Variants in ZNF804B observed in about 807,000 individuals in gnomAD.
ZNF804B encodes zinc finger 804B.
Under a neutral mutation model 101.4 loss-of-function variants are expected in ZNF804B, and 80 were observed. The ratio of observed to expected loss-of-function variants is 0.79; its 90% CI spans 0.66 to 0.95. The LOEUF is 0.95. ZNF804B is among the 40% of genes least tolerant of loss of function. The probability of loss-of-function intolerance (pLI) is 0.00; values close to 1 mark genes in which losing one functional copy is unlikely to be tolerated. For synonymous variants in ZNF804B, 622 were observed against 558.8 expected (o/e 1.11, Z -1.59); for missense variants, 1,673 against 1,561.9 (o/e 1.07, Z -1.20).
Position 88,759,967 on chromosome 7 carries a change from C to T in ZNF804B, c.-10C>T, listed in dbSNP as rs779225436. On this transcript the variant is annotated 5_prime_UTR_variant, in exon 1 of 4. Coordinates refer to ENST00000333190, the MANE Select transcript of ZNF804B (RefSeq NM_181646.5). ...AGGAGTTGAGACTCTGCGCCTCCGC[C>T]CGGACCCACATGGCTTGTTACCTGG... 2 of 1,613,668 alleles carry T rather than the reference C, an allele frequency of 1.2e-6. No individual in the cohort carries two copies. Among genetic ancestry groups the T allele is most frequent in the Non-Finnish European group, 1.7e-6 (2 of 1,179,590 alleles).
At chr7:89,144,684 T>C (rs1790765873) in intron 1 of ZNF804B, among the ~76,000 whole-genome samples, 1 of 152,028 alleles carries the variant, frequency 6.6e-6, no homozygotes, top group African/African-American at 2.4e-5. Context: ...ATTGCTAACA[T>C]AATAGATTTT....
rs149335992 is a variant in ZNF804B, at chr7:89,164,041, A to G, written c.109-54114A>G. On this transcript the variant is annotated intron_variant, in intron 1 of 3. Coordinates refer to ENST00000333190, the MANE Select transcript of ZNF804B (RefSeq NM_181646.5). ...TTTTTTTTTCTACACCTAAATTACT[A>G]TCTCTCAAATAATGCTTCTTCAAGC... Among the ~76,000 whole-genome samples the G allele has an allele frequency of 7.0e-4, 106 of 152,106 alleles. 1 individual carries two copies. The highest frequency in any genetic ancestry group is 2.3e-3 in the African/African-American group (96 of 41,534).
chr7:89,156,019 C>CCTTTCTTTCTTTCTTTCTTTCTTT (rs58720640), intron 1 of ZNF804B, among the ~76,000 whole-genome samples: 3 of 121,836 alleles, frequency 2.5e-5, no homozygotes, highest in Admixed American at 8.9e-5. Flanking sequence ...TTCTCTCTTT[C>CCTTTCTTTCTTTCTTTCTTTCTTT]CTTTCTTTCT....
At chr7:89,271,642 T>C (rs549738256) in intron 2 of ZNF804B, among the ~76,000 whole-genome samples, 71 of 152,300 alleles carry the variant, frequency 4.7e-4, no homozygotes, top group South Asian at 3.9e-3. Flanking sequence ...TCAGAAGGAA[T>C]GGTACCAGCT....
At chr7:88,947,665 A>G (rs1480658580) in intron 1 of ZNF804B, among the ~76,000 whole-genome samples, 1 of 151,944 alleles carries the variant, frequency 6.6e-6, no homozygotes, top group Non-Finnish European at 1.5e-5. Context: ...AACTTAAAGT[A>G]TATATAAAAA....
At chr7:88,990,753 C>G (rs1485290369) in intron 1 of ZNF804B, among the ~76,000 whole-genome samples, 2 of 152,124 alleles carry the variant, frequency 1.3e-5, no homozygotes, top group African/African-American at 4.8e-5. Flanking sequence ...AACACTTTTA[C>G]TGTATGAGTT....
chr7:89,017,127 G>A (rs1361461743), intron 1 of ZNF804B, among the ~76,000 whole-genome samples: 1 of 152,038 alleles, frequency 6.6e-6, no homozygotes, highest in Non-Finnish European at 1.5e-5. Context: ...TCATGATTTG[G>A]CTCTCTGTTT....
intron 2 of ZNF804B, among the ~76,000 whole-genome samples, chr7:89,320,338 AT>A (rs1173005671): frequency 3.9e-5 from 6 of 152,144 alleles, no homozygotes; most frequent in African/African-American, 1.4e-4. Flanking sequence ...ATAAAAAAGA[AT>A]AAATAAAAAT....
At chr7:89,230,308 G>GGA (rs58208342) in intron 2 of ZNF804B, among the ~76,000 whole-genome samples, 86,502 of 148,836 alleles carry the variant, frequency 0.58, 25,417 homozygotes, top group African/African-American at 0.63. Context: ...ATGGGGAGGG[G>GGA]GAGAGAGAGA....
intron 1 of ZNF804B, among the ~76,000 whole-genome samples, chr7:88,829,509 C>T (rs1046712980): frequency 1.3e-5 from 2 of 151,946 alleles, no homozygotes; most frequent in East Asian, 1.9e-4. Flanking sequence ...TGAGAAAAAT[C>T]GTTTTAGCCA....
chr7:89,335,808 T>C lies in ZNF804B; in HGVS notation c.2826T>C (p.Ser942=), dbSNP rs987540864. ...CCAAGAAATGTCAAGAACAATCAAG[T>C]AATGTTGAGATCTCTTCAAACAGTT... ...VQAKKCQEQS[S]NVEISSNSCK... Residue 942 remains serine (S), a synonymous_variant, in exon 4 of 4, where the codon AGT becomes AGC. Transcript: ENST00000333190. 1.2e-6 allele frequency: 2 copies of C among 1,613,924 alleles called. No homozygotes were observed. The highest frequency in any genetic ancestry group is 2.7e-5 in the African/African-American group (2 of 74,888).
At chr7:88,991,981 T>C (rs1793854425) in intron 1 of ZNF804B, among the ~76,000 whole-genome samples, 1 of 152,180 alleles carries the variant, frequency 6.6e-6, no homozygotes, top group Non-Finnish European at 1.5e-5. Context: ...TTCCCTCCTT[T>C]GCTGTACTCT....
intron 1 of ZNF804B, among the ~76,000 whole-genome samples, chr7:88,969,196 A>C (rs978219211): frequency 1.3e-5 from 2 of 151,572 alleles, no homozygotes; most frequent in Admixed American, 6.6e-5. Context: ...TGAAGACTCT[A>C]TTACTGAGGC....
At chr7:88,886,537 A>T (rs1354276266) in intron 1 of ZNF804B, among the ~76,000 whole-genome samples, 1 of 152,164 alleles carries the variant, frequency 6.6e-6, no homozygotes. Context: ...AATTTGATAA[A>T]GAACATTTTA....
intron 1 of ZNF804B, among the ~76,000 whole-genome samples, chr7:89,097,244 C>T (rs1410514887): frequency 6.6e-6 from 1 of 152,216 alleles, no homozygotes; most frequent in Non-Finnish European, 1.5e-5. Context: ...TTCTGTGACT[C>T]TTTCTTGCTG....
chr7:88,794,091 T>C (rs955000618), intron 1 of ZNF804B: 7 of 1,078,854 alleles, frequency 6.5e-6, no homozygotes, highest in Admixed American at 2.9e-5. Context: ...TTCTGTTTCT[T>C]TTAAAAGACA....
At chr7:88,776,489 C>T (rs1269275877) in intron 1 of ZNF804B, among the ~76,000 whole-genome samples, 2 of 149,578 alleles carry the variant, frequency 1.3e-5, no homozygotes, top group South Asian at 4.2e-4. Flanking sequence ...GTGTGCCCTA[C>T]TTTCCTGGTA....
At chr7:88,906,314 T>C (rs951966558) in intron 1 of ZNF804B, among the ~76,000 whole-genome samples, 1 of 152,200 alleles carries the variant, frequency 6.6e-6, no homozygotes, top group Non-Finnish European at 1.5e-5. Flanking sequence ...TTTGTTCTTT[T>C]CTTCTAGTTC....
chr7:88,861,978 A>C (rs1791655775), intron 1 of ZNF804B, among the ~76,000 whole-genome samples: 1 of 152,146 alleles, frequency 6.6e-6, no homozygotes, highest in Non-Finnish European at 1.5e-5. Context: ...ACCCAATGCT[A>C]AGGACAACTG....
Sources: allele counts gnomAD v4.1 joint callset (sites outside exome capture counted in the v4.1 genomes callset), GRCh38; gene constraint gnomAD v4.1.1; transcripts MANE v1.5; gene names NCBI Gene and HGNC (gene_info 2026-07-23, HGNC 2026-07-21).